The following MMACHC variants were observed in gnomAD, a reference collection of about 807,000 sequenced individuals.
MMACHC encodes the protein cyanocobalamin reductase / alkylcobalamin dealkylase.
MMACHC carries 14 observed loss-of-function variants against 17.6 expected under a neutral mutation model. The ratio of observed to expected loss-of-function variants is 0.80; its 90% confidence interval spans 0.53 to 1.25. The LOEUF (loss-of-function observed/expected upper bound fraction) is 1.25. MMACHC is among the 50% of genes most tolerant of loss of function. The pLI is 0.00. For missense variants in MMACHC, 392 were observed against 364.5 expected, an observed-to-expected ratio of 1.08 and a Z score of -0.62; for synonymous variants, 151 against 142.1, an observed-to-expected ratio of 1.06 and a Z score of -0.45.
chr1:45,507,498 T>C lies in MMACHC; in HGVS notation c.224T>C (p.Leu75Pro), dbSNP rs1193157698. The C allele has an allele frequency of 6.2e-7, 1 of 1,614,178 alleles. No homozygotes were observed. The highest frequency in any genetic ancestry group is 1.1e-5 in the South Asian group (1 of 91,084). Residue 75 changes from leucine to proline, a missense_variant, in exon 2 of 4, where the codon CTG becomes CCG. Coordinates refer to ENST00000401061, the MANE Select transcript of MMACHC (RefSeq NM_015506.3). ...PFLQSCHLRM[L>P]TDPVDQCVAY... ...TTGCAGAGCTGCCACCTCCGAATGCTGACTGACCCAGTGGACCAGTGTGTG... is the reference window on the plus strand; with the variant it reads ...TTGCAGAGCTGCCACCTCCGAATGCCGACTGACCCAGTGGACCAGTGTGTG...
intron 1 of MMACHC, among the ~76,000 whole-genome samples, chr1:45,501,505 T>C (rs1224747207): frequency 6.6e-6 from 1 of 151,906 alleles, no homozygotes; most frequent in African/African-American, 2.4e-5. Flanking sequence ...TATGAAAAGA[T>C]AGATTGGAAG....
chr1:45,509,333 C>A lies in MMACHC; in HGVS notation c.*118C>A. ...TTTTGATAATATAGTAGAGATCTTC[C>A]ATGAAGATAACAAGGCTCAAGGAAG... On this transcript the variant is annotated 3_prime_UTR_variant, in exon 4 of 4. Coordinates refer to ENST00000401061, the MANE Select transcript of MMACHC (RefSeq NM_015506.3). 3 of 1,238,446 alleles carry A rather than the reference C, an allele frequency of 2.4e-6. No individual in the cohort carries two copies. Among genetic ancestry groups the A allele is most frequent in the Non-Finnish European group, 3.4e-6 (3 of 870,902 alleles). 76.7% of individuals were successfully genotyped at this position (1,238,446 alleles called of 1,614,324 possible). A position where few individuals can be genotyped will look rare whatever the true frequency, so the allele number is the denominator to read the frequency against.
At chr1:45,502,490 G>A (rs928148819) in intron 1 of MMACHC, among the ~76,000 whole-genome samples, 1 of 151,934 alleles carries the variant, frequency 6.6e-6, no homozygotes, top group Non-Finnish European at 1.5e-5. Context: ...CTCCTGCTTC[G>A]GCCAGCCACC....
chr1:45,508,215 C>T lies in MMACHC; in HGVS notation c.280C>T (p.Leu94Phe). The change falls in exon 3 of 4, where the codon CTC becomes TTC. Residue 94 changes from leucine to phenylalanine, a missense_variant. By Grantham distance (22) the Leu-to-Phe change is conservative (BLOSUM62 0). Transcript: ENST00000401061. The part of the protein sequence containing the change: ...AYHLGRVRES[L>F]PELQIEIIAD... ...TCTATTTTGTCCACTGTTCCAGAGC[C>T]TCCCAGAGCTGCAGATAGAAATCAT... 1 of 1,614,114 alleles carries T rather than the reference C, an allele frequency of 6.2e-7. No homozygotes were observed. The highest frequency in any genetic ancestry group is 8.5e-7 in the Non-Finnish European group (1 of 1,179,994).
rs1286073617 is a variant in MMACHC, at chr1:45,512,091, T to G, written c.*2876T>G. On this transcript the variant is annotated 3_prime_UTR_variant, in exon 4 of 4. Transcript: ENST00000401061. ...TTTCTTTTTTTTTTTTTTTTTTTTTTTTTTTGAGATGGAGTCTCCCTCTGT... is the reference window on the plus strand; with the variant it reads ...TTTCTTTTTTTTTTTTTTTTTTTTTGTTTTTGAGATGGAGTCTCCCTCTGT... 1 of 142,948 alleles carries G rather than the reference T, an allele frequency of 7.0e-6. No homozygotes were observed. Among genetic ancestry groups the G allele is most frequent in the Non-Finnish European group, 1.5e-5 (1 of 65,964 alleles). The allele number at this position is 142,948 out of a possible 1,614,324, so 8.9% of individuals were successfully genotyped here. A position where few individuals can be genotyped will look rare whatever the true frequency, so the allele number is the denominator to read the frequency against.
rs906146335 is a variant in MMACHC, at chr1:45,511,922, A to C, written c.*2707A>C. On this transcript the variant is annotated 3_prime_UTR_variant, in exon 4 of 4. Coordinates refer to ENST00000401061, the MANE Select transcript of MMACHC (RefSeq NM_015506.3). ...TTGTTTCATTAAGTAACTGCCATCT[A>C]CCCCTTGGTAAGCAAAAGGCAGAGT... The C allele has an allele frequency of 3.9e-5, 6 of 152,360 alleles. No homozygotes were observed. The highest frequency in any genetic ancestry group is 1.4e-4 in the African/African-American group (6 of 41,566). The allele number at this position is 152,360 out of a possible 1,614,324, so 9.4% of individuals were successfully genotyped here. A position where few individuals can be genotyped will look rare whatever the true frequency, so the allele number is the denominator to read the frequency against.
Position 45,508,221 on chromosome 1 carries a change from G to A in MMACHC, c.286G>A (p.Glu96Lys). ...HLGRVRESLP[E>K]LQIEIIADYE... ...TTGTCCACTGTTCCAGAGCCTCCCA[G>A]AGCTGCAGATAGAAATCATTGCTGA... The change falls in exon 3 of 4, where the codon GAG becomes AAG. Residue 96 changes from glutamate (E) to lysine (K), a missense_variant. Physicochemically the swap from Glu to Lys is moderately conservative, Grantham distance 56 (BLOSUM62 1). Coordinates refer to ENST00000401061, the MANE Select transcript of MMACHC (RefSeq NM_015506.3). The A allele has an allele frequency of 6.2e-7, 1 of 1,614,132 alleles. No homozygotes were observed. The highest frequency in any genetic ancestry group is 8.5e-7 in the Non-Finnish European group (1 of 1,180,028).
chr1:45,509,909 C>G lies in MMACHC; in HGVS notation c.*694C>G, dbSNP rs1211121542. ...CCTGGCCAATACAGTGAAACCCCGT[C>G]TCTACTAAAAATGCAAAGTTAGCCG... On this transcript the variant is annotated 3_prime_UTR_variant, in exon 4 of 4. Transcript: ENST00000401061. 6.6e-6 allele frequency: 1 copy of G among 151,774 alleles called. No homozygotes were observed. The highest frequency in any genetic ancestry group is 1.5e-5 in the Non-Finnish European group (1 of 67,976). The allele number at this position is 151,774 out of a possible 1,614,324, so 9.4% of individuals were successfully genotyped here.
intron 1 of MMACHC, among the ~76,000 whole-genome samples, chr1:45,501,687 C>T (rs1372745186): frequency 6.6e-6 from 1 of 152,168 alleles, no homozygotes; most frequent in Non-Finnish European, 1.5e-5. Context: ...CGACCTTTAA[C>T]TCTTTGAGAC....
rs769090155 is a variant in MMACHC, at chr1:45,509,246, GGT to G, written c.*32_*33del. ...TCCCATGTGGACCCTGATTTATGGT[GGT>G]ACTTGCTAGGACTTAATTGGCTTTG... is the stretch of plus-strand genomic sequence containing the variant. On this transcript the variant is annotated 3_prime_UTR_variant, in exon 4 of 4. Transcript: ENST00000401061. 1.3e-5 allele frequency: 21 copies of G among 1,613,460 alleles called. No individual in the cohort carries two copies. Among genetic ancestry groups the G allele is most frequent in the Admixed American group, 1.7e-5 (1 of 59,984 alleles).
In MMACHC at chr1:45,511,214, A is replaced by G; in HGVS notation, c.*1999A>G. On this transcript the variant is annotated 3_prime_UTR_variant, in exon 4 of 4. Transcript: ENST00000401061. ...GTAGGAAAGGCCTGCCTTGTAAGACACCACAATTCGGCTGAATCTGAAGTC... is the reference window on the plus strand; with the variant it reads ...GTAGGAAAGGCCTGCCTTGTAAGACGCCACAATTCGGCTGAATCTGAAGTC... 1.1e-6 allele frequency: 1 copy of G among 897,222 alleles called. No individual in the cohort carries two copies. Among genetic ancestry groups the G allele is most frequent in the East Asian group, 2.5e-5 (1 of 39,642 alleles). The allele number at this position is 897,222 out of a possible 1,614,324, so 55.6% of individuals were successfully genotyped here.
At position 45,511,330 on chromosome 1, in the gene MMACHC, C is replaced by CA. The variant is rs748701917; in HGVS notation, c.*2116dup. 1 of 1,609,438 alleles carries CA rather than the reference C, an allele frequency of 6.2e-7. No individual in the cohort carries two copies. The highest frequency in any genetic ancestry group is 1.1e-5 in the South Asian group (1 of 90,370). ...CCTGGCACTAAAACAGCCCAGCGCT[C>CA]ACTTCTGCTTGGAGAAATATTCTTT... On this transcript the variant is annotated 3_prime_UTR_variant, in exon 4 of 4. Coordinates refer to ENST00000401061, the MANE Select transcript of MMACHC (RefSeq NM_015506.3).
rs180709223 is a variant in MMACHC at position 45,503,210 on chromosome 1, C to T, written c.81+2797C>T. 4.3e-4 allele frequency among the ~76,000 whole-genome samples: 65 copies of T among 152,022 alleles called. 3 individuals carry two copies. The highest frequency in any genetic ancestry group is 1.5e-3 in the African/African-American group (63 of 41,520). On this transcript the variant is annotated intron_variant, in intron 1 of 3. Transcript: ENST00000401061. ...GGTCAGGGGTTCAAGACCAGCCTGG[C>T]TAACATGGTGAAATCCCGTCTCTAC...
rs1273105824 is a variant in MMACHC at position 45,500,388 on chromosome 1, T to C, written c.56T>C (p.Phe19Ser). The C allele has an allele frequency of 6.8e-6, 11 of 1,614,090 alleles. No individual in the cohort carries two copies. In the East Asian group the frequency reaches 1.3e-4, roughly 20 times the overall value. The change falls in exon 1 of 4, where the codon TTT becomes TCT. Residue 19 changes from phenylalanine (F) to serine (S), a missense_variant. Transcript: ENST00000401061. ...AAGATCGAGGACACGCTATGTCCTT[T>C]TGGCTTCGAGGTTTACCCCTTCCAG... ...KQKIEDTLCP[F>S]GFEVYPFQVA... is the part of the protein sequence containing the mutation.
intron 1 of MMACHC, among the ~76,000 whole-genome samples, chr1:45,504,028 A>G (rs1229572567): frequency 6.6e-6 from 1 of 152,250 alleles, no homozygotes; most frequent in Non-Finnish European, 1.5e-5. Flanking sequence ...GTCCAGGCCA[A>G]GTGGACAAAA....
chr1:45,508,551 T>TA (rs1338041434), intron 3 of MMACHC, among the ~76,000 whole-genome samples, 187 bp downstream of exon 3: 4 of 152,270 alleles, frequency 2.6e-5, no homozygotes, highest in South Asian at 2.1e-4. Context: ...TCAGAAAACT[T>TA]AGTCTGCAGA....
In MMACHC at chr1:45,509,861, C is replaced by CT. The variant is rs1643706354; in HGVS notation, c.*646_*647insT. On this transcript the variant is annotated 3_prime_UTR_variant, in exon 4 of 4. Coordinates refer to ENST00000401061, the MANE Select transcript of MMACHC (RefSeq NM_015506.3). ...CTCTGGGAGGCCGAGGCAGGTGGAT[C>CT]ATGAGGTCGAGTTTGAGACCAGCCT... The CT allele has an allele frequency of 6.6e-6, 1 of 151,770 alleles. No homozygotes were observed. Among genetic ancestry groups the CT allele is most frequent in the Non-Finnish European group, 1.5e-5 (1 of 68,074 alleles). The allele number at this position is 151,770 out of a possible 1,614,324, so 9.4% of individuals were successfully genotyped here. A position where few individuals can be genotyped will look rare whatever the true frequency, so the allele number is the denominator to read the frequency against.
Position 45,512,604 on chromosome 1 carries a change from T to C in MMACHC, c.*3389T>C, listed in dbSNP as rs1409823015. 6.6e-6 allele frequency: 1 copy of C among 151,236 alleles called. No homozygotes were observed. The highest frequency in any genetic ancestry group is 1.5e-5 in the Non-Finnish European group (1 of 67,848). 9.4% of individuals were successfully genotyped at this position (151,236 alleles called of 1,614,324 possible). On this transcript the variant is annotated 3_prime_UTR_variant, in exon 4 of 4. Coordinates refer to ENST00000401061, the MANE Select transcript of MMACHC (RefSeq NM_015506.3). Reference sequence around the variant, plus strand: ...ATTTAAGAGGCTGTACATGTTCCAGTGGGATGGGAAGCAGCAGAGACCAAC... The same window carrying C: ...ATTTAAGAGGCTGTACATGTTCCAGCGGGATGGGAAGCAGCAGAGACCAAC...
chr1:45,500,720 C>T (rs1336325542), intron 1 of MMACHC, among the ~76,000 whole-genome samples: 1 of 151,958 alleles, frequency 6.6e-6, no homozygotes, highest in Non-Finnish European at 1.5e-5. Flanking sequence ...TAAAATTAGC[C>T]GGGCGTGGTG....
Sources: gnomAD v4.1 joint callset for allele counts (sites outside exome capture counted in the v4.1 genomes callset) on GRCh38, gnomAD v4.1.1 for gene constraint, MANE v1.5 for transcripts, NCBI Gene and HGNC (gene_info 2026-07-23, HGNC 2026-07-21) for gene names.